Variants in AMACR observed in about 807,000 individuals in gnomAD.
The protein encoded by AMACR is alpha-methylacyl-CoA racemase, also known as 2-methylacyl-CoA racemase.
AMACR carries 18 observed loss-of-function variants against 22.2 expected under a neutral mutation model. The observed-to-expected ratio is 0.81, with a 90% CI of 0.56 to 1.20. The LOEUF (loss-of-function observed/expected upper bound fraction) is 1.20, where lower values mean the gene tolerates loss of function less well. Among genes scored for constraint, AMACR ranks in the 50% most tolerant of loss-of-function variants. AMACR has a pLI of 0.00. For synonymous variants in AMACR, 213 were observed against 191.3 expected, an observed-to-expected ratio of 1.11 and a Z score of -0.94; for missense variants, 499 against 490.6, an observed-to-expected ratio of 1.02 and a Z score of -0.16.
In AMACR at chr5:33,988,386, G is replaced by A. The variant is rs1308610904; in HGVS notation, c.*707C>T. ...CCTGAGGAGAAATCAAACACATGGAGAAAGGAAAGCTGACAGCCCAGAGAC... is the reference window on the plus strand; with the variant it reads ...CCTGAGGAGAAATCAAACACATGGAAAAAGGAAAGCTGACAGCCCAGAGAC... On this transcript the variant is annotated 3_prime_UTR_variant, in exon 5 of 5. Transcript: ENST00000335606. The A allele has an allele frequency of 5.9e-6, 9 of 1,538,072 alleles. No homozygotes were observed. The highest frequency in any genetic ancestry group is 2.0e-5 in the Admixed American group (1 of 51,064).
At position 33,997,702 on chromosome 5, in the gene AMACR, G is replaced by A. The variant is rs954036116; in HGVS notation, c.739+939C>T. 14 of 625,766 alleles carry A rather than the reference G, an allele frequency of 2.2e-5. No homozygotes were observed. The African/African-American group carries it at 2.6e-4, about 12-fold the overall frequency. The allele number at this position is 625,766 out of a possible 1,614,324, so 38.8% of individuals were successfully genotyped here. On this transcript the variant is annotated intron_variant, in intron 4 of 4. Coordinates refer to ENST00000335606, the MANE Select transcript of AMACR (RefSeq NM_014324.6). The stretch of plus-strand genomic sequence containing the variant: ...TTCTGGACAGAGAGGTACCCTTTAT[G>A]ATCTAGATAAACCATTGTGTTCTTC...
chr5:34,002,243 C>T (rs1228570112), intron 3 of AMACR, among the ~76,000 whole-genome samples: 2 of 152,182 alleles, frequency 1.3e-5, no homozygotes, highest in Non-Finnish European at 2.9e-5. Flanking sequence ...GTGATCCACC[C>T]ACCTCAGCCT....
Position 34,007,930 on chromosome 5 carries a change from A to C in AMACR, c.90T>G (p.Arg30=), listed in dbSNP as rs769780647. The change falls in exon 1 of 5, where the codon CGT becomes CGG. Residue 30 remains arginine (R), a synonymous_variant. Coordinates refer to ENST00000335606, the MANE Select transcript of AMACR (RefSeq NM_014324.6). ...CAMVLADFGA[R]VVRVDRPGSR... is the part of the protein sequence containing the mutation. ...AGCCGGGCCGGTCCACGCGTACCAC[A>C]CGCGCCCCGAAGTCAGCCAGGACCA... is the stretch of plus-strand genomic sequence containing the variant. The C allele has an allele frequency of 9.9e-6, 16 of 1,609,870 alleles. No individual in the cohort carries two copies. In the Admixed American group the frequency reaches 2.3e-4, roughly 24 times the overall value.
intron 4 of AMACR, 71 bp from the exon 5 acceptor site, chr5:33,989,573 C>T: frequency 1.6e-6 from 2 of 1,241,980 alleles, no homozygotes; most frequent in Non-Finnish European, 1.2e-6. Flanking sequence ...AAAATGAATG[C>T]TGAGCCCACT....
At position 33,986,205 on chromosome 5, in the gene AMACR, T is replaced by A. The variant is rs1579567154; in HGVS notation, c.*2888A>T. 2 of 152,252 alleles carry A rather than the reference T, an allele frequency of 1.3e-5. No homozygotes were observed. Among genetic ancestry groups the A allele is most frequent in the South Asian group, 4.1e-4 (2 of 4,834 alleles). 9.4% of individuals were successfully genotyped at this position (152,252 alleles called of 1,614,324 possible). ...TTTATAAATATAGACATTCTATTTT[T>A]TACTACAAGTTTTCCACACACACAG... On this transcript the variant is annotated 3_prime_UTR_variant, in exon 5 of 5. Coordinates refer to ENST00000335606, the MANE Select transcript of AMACR (RefSeq NM_014324.6).
intron 3 of AMACR, 75 bp downstream of exon 3, chr5:34,004,499 C>CAA: frequency 3.8e-6 from 6 of 1,590,066 alleles, no homozygotes; most frequent in Non-Finnish European, 5.2e-6. Context: ...TCTTCTTCTT[C>CAA]AAAAAAAGGA....
rs1325255339 is a variant in AMACR, at chr5:34,007,990, C to T, written c.30G>A (p.Glu10=). ...ACGGGCCCGGGGCCAGGCCGGACAG[C>T]TCCACGACCGAGATGCCCTGCAGTG... MALQGISVV[E]LSGLAPGPFC... Residue 10 remains glutamate, a synonymous_variant, in exon 1 of 5, where the codon GAG becomes GAA. Coordinates refer to ENST00000335606, the MANE Select transcript of AMACR (RefSeq NM_014324.6). 3.1e-6 allele frequency: 5 copies of T among 1,611,684 alleles called. No homozygotes were observed. Among genetic ancestry groups the T allele is most frequent in the Non-Finnish European group, 4.2e-6 (5 of 1,179,770 alleles).
In AMACR at chr5:33,988,239, T is replaced by C. The variant is rs1753356804; in HGVS notation, c.*854A>G. 1 of 1,353,340 alleles carries C rather than the reference T, an allele frequency of 7.4e-7. No homozygotes were observed. Among genetic ancestry groups the C allele is most frequent in the Non-Finnish European group, 1.0e-6 (1 of 987,026 alleles). The allele number at this position is 1,353,340 out of a possible 1,614,324, so 83.8% of individuals were successfully genotyped here. On this transcript the variant is annotated 3_prime_UTR_variant, in exon 5 of 5. Transcript: ENST00000335606. ...CCGTCTTCTTTGTCAAAGACAGGTA[T>C]AAGAAAGGCTTGTAACTTAACTCAG... is the stretch of plus-strand genomic sequence containing the variant.
In AMACR at chr5:34,004,554, C is replaced by G; in HGVS notation, c.552+20G>C. On this transcript the variant is annotated intron_variant, in intron 3 of 4. Transcript: ENST00000335606. ...AAACTTAGGGACAAGTGGCAGGCAT[C>G]TACCCCAATTAATACTTACCATATT... is the stretch of plus-strand genomic sequence containing the variant. 1 of 1,614,030 alleles carries G rather than the reference C, an allele frequency of 6.2e-7. No individual in the cohort carries two copies. The highest frequency in any genetic ancestry group is 8.5e-7 in the Non-Finnish European group (1 of 1,179,902).
chr5:33,999,392 AAACT>A, intron 3 of AMACR, among the ~76,000 whole-genome samples: 1 of 152,360 alleles, frequency 6.6e-6, no homozygotes, highest in East Asian at 1.9e-4. Context: ...GTTATAAAAT[AAACT>A]AACAATATGG....
rs1419249022 is a variant in AMACR at position 33,986,785 on chromosome 5, C to A, written c.*2308G>T. ...ACTTTGGCTTCTGGGTCCAAGTACA[C>A]CAGCTTTCCCATCACCCCTGCAACC... On this transcript the variant is annotated 3_prime_UTR_variant, in exon 5 of 5. Coordinates refer to ENST00000335606, the MANE Select transcript of AMACR (RefSeq NM_014324.6). 1 of 152,248 alleles carries A rather than the reference C, an allele frequency of 6.6e-6. No homozygotes were observed. Among genetic ancestry groups the A allele is most frequent in the African/African-American group, 2.4e-5 (1 of 41,440 alleles). The allele number at this position is 152,248 out of a possible 1,614,324, so 9.4% of individuals were successfully genotyped here.
At chr5:33,996,828 C>G (rs1174055551) in intron 4 of AMACR, among the ~76,000 whole-genome samples, 1 of 151,982 alleles carries the variant, frequency 6.6e-6, no homozygotes, top group African/African-American at 2.4e-5. Flanking sequence ...CATTTCTGTC[C>G]AATCATTAGC....
chr5:33,998,094 A>G (rs1273386444), intron 4 of AMACR, among the ~76,000 whole-genome samples: 1 of 152,272 alleles, frequency 6.6e-6, no homozygotes, highest in African/African-American at 2.4e-5. Flanking sequence ...AGGGAAGAAG[A>G]GATCCCAAAT....
At chr5:33,991,265 T>C (rs147014833) in intron 4 of AMACR, among the ~76,000 whole-genome samples, 1 of 152,256 alleles carries the variant, frequency 6.6e-6, no homozygotes, top group East Asian at 1.9e-4. Context: ...CTACCATCCC[T>C]TCACAGCCCA....
Position 33,989,293 on chromosome 5 carries a change from T to C in AMACR, c.949A>G (p.Thr317Ala). 5 of 1,614,116 alleles carry C rather than the reference T, an allele frequency of 3.1e-6. No homozygotes were observed. The highest frequency in any genetic ancestry group is 4.2e-6 in the Non-Finnish European group (5 of 1,179,996). Residue 317 changes from threonine to alanine, a missense_variant, in exon 5 of 5, where the codon ACC becomes GCC. Thr to Ala is a moderately conservative substitution (Grantham distance 58, BLOSUM62 0). Coordinates refer to ENST00000335606, the MANE Select transcript of AMACR (RefSeq NM_014324.6). ...GGGCTCACGTCCTGCTCCTCACTGG[T>C]GATAAACGAGCCCCGTTCCTTGTTG... ...DHNKERGSFI[T>A]SEEQDVSPRP...
At chr5:33,997,610 C>T (rs1474087541) in intron 4 of AMACR, 2 of 731,664 alleles carry the variant, frequency 2.7e-6, no homozygotes, top group African/African-American at 3.5e-5. Context: ...AGAGCTCCAC[C>T]AGAGCATCAT....
At position 33,999,663 on chromosome 5, in the gene AMACR, C is replaced by A. The variant is rs2040667534; in HGVS notation, c.553-836G>T. On this transcript the variant is annotated intron_variant, in intron 3 of 4. Transcript: ENST00000335606. ...CCCAGGAGGAAGGCCTTCAAAGCAT[C>A]CTCGTCTCAAAAGCTACCAATAGAG... Among the ~76,000 whole-genome samples the A allele has an allele frequency of 2.0e-5, 3 of 152,340 alleles. 1 individual carries two copies. The South Asian group carries it at 6.2e-4, about 32-fold the overall frequency.
Position 33,989,448 on chromosome 5 carries a change from G to A in AMACR, c.794C>T (p.Pro265Leu), listed in dbSNP as rs1411999873. 1 of 1,614,120 alleles carries A rather than the reference G, an allele frequency of 6.2e-7. No individual in the cohort carries two copies. Among genetic ancestry groups the A allele is most frequent in the Non-Finnish European group, 8.5e-7 (1 of 1,180,000 alleles). The change falls in exon 5 of 5, where the codon CCA becomes CTA. Residue 265 changes from proline (P) to leucine (L), a missense_variant. Transcript: ENST00000335606. ...LPNQMSMDDW[P>L]EMKKKFADVF... ...ATCTGCAAACTTCTTCTTCATTTCT[G>A]GCCAATCATCCATGCTCATCTGATT...
intron 3 of AMACR, 36 bp from the exon 4 acceptor site, chr5:33,998,863 A>C (rs1174024803): frequency 1.3e-6 from 2 of 1,599,156 alleles, no homozygotes; most frequent in Admixed American, 1.7e-5. Context: ...AATCCAGATA[A>C]CTCAAGTGTC....
Sources: gnomAD v4.1 joint callset for allele counts (sites outside exome capture counted in the v4.1 genomes callset) on GRCh38, gnomAD v4.1.1 for gene constraint, MANE v1.5 for transcripts, NCBI Gene and HGNC (gene_info 2026-07-23, HGNC 2026-07-21) for gene names.